The following MYH15 variants were observed in gnomAD, a reference collection of about 807,000 sequenced individuals.
The protein encoded by MYH15 is myosin-15.
Under a neutral mutation model 240.5 loss-of-function variants are expected in MYH15, and 227 were observed. That is an observed-to-expected ratio of 0.94 (90% CI 0.85 to 1.05). The LOEUF (loss-of-function observed/expected upper bound fraction) is 1.05, where lower values mean the gene tolerates loss of function less well. Ranked by LOEUF, MYH15 falls within the 50% of genes least tolerant of loss-of-function variation. The pLI, the probability that MYH15 is intolerant of heterozygous loss-of-function variation, is 0.00. For missense variants in MYH15, 2,217 were observed against 2,247.5 expected, an observed-to-expected ratio of 0.99 and a Z score of 0.27; for synonymous variants, 785 against 796.7, an observed-to-expected ratio of 0.99 and a Z score of 0.25.
chr3:108,432,728 G>T (rs988437684), intron 25 of MYH15, among the ~76,000 whole-genome samples: 1 of 152,198 alleles, frequency 6.6e-6, no homozygotes, highest in African/African-American at 2.4e-5. Context: ...GCTTCAGAGG[G>T]TGCAAGCCCC....
intron 9 of MYH15, among the ~76,000 whole-genome samples, chr3:108,487,014 C>T (rs1247014551): frequency 6.6e-6 from 1 of 152,210 alleles, no homozygotes; most frequent in Non-Finnish European, 1.5e-5. Flanking sequence ...AACCCTGTCA[C>T]ATCACATCCT....
intron 3 of MYH15, 76 bp downstream of exon 3, chr3:108,501,636 G>A: frequency 6.4e-7 from 1 of 1,574,308 alleles, no homozygotes; most frequent in Non-Finnish European, 8.7e-7. Context: ...CTCAATGTAA[G>A]AGATCACCCA....
chr3:108,456,477 C>T (rs2083020684), intron 19 of MYH15, among the ~76,000 whole-genome samples: 2 of 152,156 alleles, frequency 1.3e-5, no homozygotes, highest in South Asian at 4.1e-4. Context: ...CACAACATTT[C>T]AGAGATTCAA....
Position 108,456,785 on chromosome 3 carries a change from ACT to A in MYH15, c.2117_2118del (p.Gln706LeufsTer3). The A allele has an allele frequency of 6.2e-7, 1 of 1,612,248 alleles. No homozygotes were observed. Among genetic ancestry groups the A allele is most frequent in the Non-Finnish European group, 8.5e-7 (1 of 1,178,358 alleles). On this transcript the variant is annotated frameshift_variant, in exon 19 of 41. Coordinates refer to ENST00000693548, the MANE Select transcript of MYH15 (RefSeq NM_014981.3). LOFTEE classifies it high-confidence loss of function. ...ICREGFPNRL[Q>X]YADFKQRYCI... is the part of the protein sequence containing the mutation. Reference sequence around the variant, plus strand: ...GTTTACCTTTGTTTAAAATCAGCATACTGCAGTCGGTTTGGAAAACCTTCACG... The same window carrying A: ...GTTTACCTTTGTTTAAAATCAGCATAGCAGTCGGTTTGGAAAACCTTCACG...
chr3:108,396,573 G>A (rs1197159818), intron 35 of MYH15, among the ~76,000 whole-genome samples: 1 of 152,180 alleles, frequency 6.6e-6, no homozygotes, highest in African/African-American at 2.4e-5. Context: ...ACCTGTACTG[G>A]TCTGTGGCCC....
At chr3:108,528,906 G>A (rs948214128) in intron 1 of MYH15, among the ~76,000 whole-genome samples, 9 of 152,118 alleles carry the variant, frequency 5.9e-5, no homozygotes, top group African/African-American at 1.4e-4. Flanking sequence ...AAGGTGACAC[G>A]TCATACTCCA....
At position 108,471,145 on chromosome 3, in the gene MYH15, GGAAAGGAGATGGGTAGGA is replaced by G. The variant is rs374466955; in HGVS notation, c.1234-316_1234-299del. Among the ~76,000 whole-genome samples, 1,363 of 151,778 alleles carry G rather than the reference GGAAAGGAGATGGGTAGGA, an allele frequency of 9.0e-3. 14 individuals are homozygous for G. Among genetic ancestry groups the G allele is most frequent in the Non-Finnish European group, 0.012 (832 of 67,926 alleles). On this transcript the variant is annotated intron_variant, in intron 12 of 40. Transcript: ENST00000693548. ...GGGGAGAGGAAGGGAAGAAAAAGGA[GGAAAGGAGATGGGTAGGA>G]GAAAGGAGTAAGCTAGCCTGGTGCC...
In MYH15 at chr3:108,409,408, C is replaced by A. The variant is rs564134519; in HGVS notation, c.4496-1004G>T. On this transcript the variant is annotated intron_variant, in intron 31 of 40. Coordinates refer to ENST00000693548, the MANE Select transcript of MYH15 (RefSeq NM_014981.3). The stretch of plus-strand genomic sequence containing the variant: ...CCCAGATCAGCAGCACCGGCCTCAC[C>A]TGGAAAACTGTCAGAAATACAAATC... 2.6e-5 allele frequency among the ~76,000 whole-genome samples: 4 copies of A among 152,334 alleles called. No homozygotes were observed. The East Asian group carries it at 7.7e-4, about 29-fold the overall frequency.
At chr3:108,532,751 C>T (rs1044891638), upstream of MYH15, among the ~76,000 whole-genome samples, 3 of 151,994 alleles carry the variant, frequency 2.0e-5, no homozygotes, top group East Asian at 3.9e-4. Context: ...CTTTAAGATA[C>T]GATCAAGGGT....
chr3:108,452,044 T>C (rs2082978600), intron 21 of MYH15, among the ~76,000 whole-genome samples: 1 of 151,496 alleles, frequency 6.6e-6, no homozygotes, highest in South Asian at 2.1e-4. Flanking sequence ...ATGATAGCTT[T>C]CCCCAAAGTC....
chr3:108,459,843 A>C (rs1005138231), intron 17 of MYH15, among the ~76,000 whole-genome samples: 1 of 152,198 alleles, frequency 6.6e-6, no homozygotes, highest in Non-Finnish European at 1.5e-5. Context: ...AGAGATTTTT[A>C]GGGAGTGAAG....
intron 30 of MYH15, among the ~76,000 whole-genome samples, chr3:108,411,262 G>C (rs1459228241): frequency 1.3e-5 from 2 of 152,184 alleles, no homozygotes; most frequent in Non-Finnish European, 2.9e-5. Context: ...TAAGAAGGGG[G>C]AGAAAAGGAA....
At chr3:108,479,430 A>G (rs1418667679) in intron 11 of MYH15, among the ~76,000 whole-genome samples, 1 of 152,194 alleles carries the variant, frequency 6.6e-6, no homozygotes, top group East Asian at 1.9e-4. Context: ...GGGCCGCTCT[A>G]GTTTTATCGT....
At chr3:108,543,205 A>G in the MYH15 span, among the ~76,000 whole-genome samples, 26 of 152,282 alleles carry the variant, frequency 1.7e-4, no homozygotes, top group African/African-American at 6.3e-4. Flanking sequence ...ATGGCTGAAT[A>G]GTATTCCATG....
chr3:108,462,993 C>T, intron 16 of MYH15, 118 bp downstream of exon 16: 1 of 1,216,880 alleles, frequency 8.2e-7, no homozygotes, highest in Non-Finnish European at 1.1e-6. Context: ...GAGGGGACGA[C>T]TCAGACCACA....
chr3:108,471,167 A>G (rs1199171391), intron 12 of MYH15, among the ~76,000 whole-genome samples: 1 of 151,530 alleles, frequency 6.6e-6, no homozygotes, highest in Admixed American at 6.6e-5. Flanking sequence ...GGTAGGAGAA[A>G]GGAGTAAGCT....
At chr3:108,502,661 G>A (rs1316221283) in intron 2 of MYH15, among the ~76,000 whole-genome samples, 1 of 151,998 alleles carries the variant, frequency 6.6e-6, no homozygotes, top group African/African-American at 2.4e-5. Context: ...CTTCTCACAG[G>A]TTTCCTAACA....
At chr3:108,505,087 G>A (rs547875883) in intron 2 of MYH15, among the ~76,000 whole-genome samples, 1 of 151,884 alleles carries the variant, frequency 6.6e-6, no homozygotes, top group South Asian at 2.1e-4. Flanking sequence ...AGCTTGCTTC[G>A]TGGTTCCTTA....
intron 14 of MYH15, among the ~76,000 whole-genome samples, chr3:108,467,346 A>G (rs955272490): frequency 6.6e-6 from 1 of 151,950 alleles, no homozygotes; most frequent in African/African-American, 2.4e-5. Flanking sequence ...ACACATCTGA[A>G]AAGCTTCTTT....
Sources: allele counts gnomAD v4.1 joint callset (sites outside exome capture counted in the v4.1 genomes callset), GRCh38; gene constraint gnomAD v4.1.1; transcripts MANE v1.5; gene names NCBI Gene and HGNC (gene_info 2026-07-23, HGNC 2026-07-21).